The following NEK5 variants were observed in gnomAD, a reference collection of about 807,000 sequenced individuals.
NEK5 encodes the protein NIMA related kinase 5.
Under a neutral mutation model 109.2 loss-of-function variants are expected in NEK5, and 88 were observed. That is an observed-to-expected ratio of 0.81 (90% CI 0.68 to 0.96). The LOEUF (loss-of-function observed/expected upper bound fraction) is 0.96. Among genes scored for constraint, NEK5 ranks in the 40% least tolerant of loss-of-function variants. The pLI is 0.00. For missense variants in NEK5, 834 were observed against 920.7 expected (o/e 0.91, Z 1.22); for synonymous variants, 283 against 299.9 (o/e 0.94, Z 0.58).
chr13:52,044,231 C>T (rs1218611230), intron 23 of NEK5, among the ~76,000 whole-genome samples: 1 of 152,124 alleles, frequency 6.6e-6, no homozygotes, highest in African/African-American at 2.4e-5. Context: ...CTGCAGATGG[C>T]CTATTGTGGG....
intron 23 of NEK5, among the ~76,000 whole-genome samples, chr13:52,037,735 A>C (rs1261121772): frequency 6.6e-6 from 1 of 152,182 alleles, no homozygotes; most frequent in African/African-American, 2.4e-5. Flanking sequence ...CATCCTGGCT[A>C]ACACGGTGAA....
chr13:52,045,284 C>G (rs933509381), intron 23 of NEK5, among the ~76,000 whole-genome samples: 1 of 150,782 alleles, frequency 6.6e-6, no homozygotes, highest in East Asian at 2.0e-4. Flanking sequence ...CACCTGCCCC[C>G]ACGCCCGGCT....
intron 22 of NEK5, among the ~76,000 whole-genome samples, chr13:52,057,269 A>C (rs2137719946): frequency 6.6e-6 from 1 of 152,210 alleles, no homozygotes; most frequent in Non-Finnish European, 1.5e-5. Context: ...ATCTCTGAAT[A>C]GACCAATAAC....
chr13:52,090,082 G>A (rs983071149), intron 13 of NEK5, among the ~76,000 whole-genome samples: 1 of 152,088 alleles, frequency 6.6e-6, no homozygotes, highest in Non-Finnish European at 1.5e-5. Flanking sequence ...CTTTATCTCC[G>A]CACATAAATG....
intron 16 of NEK5, among the ~76,000 whole-genome samples, chr13:52,085,765 T>C (rs551650878): frequency 6.6e-6 from 1 of 152,356 alleles, no homozygotes; most frequent in Admixed American, 6.5e-5. Flanking sequence ...TCTTGGGAGA[T>C]GGAAGGATGA....
chr13:52,046,135 A>G (rs571770511), intron 23 of NEK5, among the ~76,000 whole-genome samples: 4 of 151,618 alleles, frequency 2.6e-5, no homozygotes, highest in Non-Finnish European at 5.9e-5. Context: ...TTAAAGATGA[A>G]TAAAATATTT....
At position 52,070,355 on chromosome 13, in the gene NEK5, T is replaced by C. The variant is rs1345860800; in HGVS notation, c.1849+1589A>G. ...AAAAAAAATCTGAGCAGAGTAATAA[T>C]ATGCCAAGATAACTTTAGTAACTGA... is the stretch of plus-strand genomic sequence containing the variant. On this transcript the variant is annotated intron_variant, in intron 20 of 23. Coordinates refer to ENST00000684899, the MANE Select transcript of NEK5 (RefSeq NM_001365552.1). Among the ~76,000 whole-genome samples the C allele has an allele frequency of 2.0e-5, 3 of 152,216 alleles. No homozygotes were observed. In the East Asian group the frequency reaches 5.8e-4, roughly 29 times the overall value.
chr13:52,089,158 T>A, intron 14 of NEK5, 89 bp downstream of exon 14: 2 of 816,258 alleles, frequency 2.5e-6, no homozygotes, highest in Non-Finnish European at 4.2e-6. Flanking sequence ...CTTGACCTTC[T>A]GGTGGAATGA....
chr13:52,084,734 T>TGAGAGA (rs1170629594), intron 16 of NEK5, among the ~76,000 whole-genome samples: 103 of 110,036 alleles, frequency 9.4e-4, no homozygotes, highest in African/African-American at 2.5e-3. Flanking sequence ...AGAGAGAGAG[T>TGAGAGA]GAGAGAGAGA....
intron 14 of NEK5, among the ~76,000 whole-genome samples, chr13:52,088,857 T>C (rs1329673311): frequency 6.6e-6 from 1 of 151,238 alleles, no homozygotes; most frequent in Non-Finnish European, 1.5e-5. Flanking sequence ...TTGGGAGGCC[T>C]AGGTGGGTGG....
intron 23 of NEK5, among the ~76,000 whole-genome samples, chr13:52,048,611 T>C (rs1795694639): frequency 6.6e-6 from 1 of 152,228 alleles, no homozygotes; most frequent in South Asian, 2.1e-4. Context: ...GAAAATGTGG[T>C]GTATATATAC....
At chr13:52,092,759 G>A (rs544269657) in intron 13 of NEK5, among the ~76,000 whole-genome samples, 5 of 152,254 alleles carry the variant, frequency 3.3e-5, no homozygotes, top group South Asian at 2.1e-4. Flanking sequence ...GGTGGTGCAC[G>A]CCTGTAGTCC....
At chr13:52,082,253 T>G (rs1239837775) in intron 17 of NEK5, 1 of 433,488 alleles carries the variant, frequency 2.3e-6, no homozygotes, top group African/African-American at 2.2e-5. Context: ...AGGCGGAGGT[T>G]GCGGTGAGCC....
At chr13:52,116,748 C>T (rs1268173012) in intron 4 of NEK5, among the ~76,000 whole-genome samples, 1 of 152,062 alleles carries the variant, frequency 6.6e-6, no homozygotes, top group African/African-American at 2.4e-5. Context: ...GAATTTTTGC[C>T]TATTTTGTTT....
chr13:52,065,125 T>C lies in NEK5; in HGVS notation c.1975+359A>G, dbSNP rs192317587. On this transcript the variant is annotated intron_variant, in intron 21 of 23. Coordinates refer to ENST00000684899, the MANE Select transcript of NEK5 (RefSeq NM_001365552.1). ...ACACCCAAGAATGATCAATAAAAAATAAAAATTAAAAAAAAAAAAATGACC... is the reference window on the plus strand; with the variant it reads ...ACACCCAAGAATGATCAATAAAAAACAAAAATTAAAAAAAAAAAAATGACC... 1,827 of 316,442 alleles carry C rather than the reference T, an allele frequency of 5.8e-3. 16 individuals carry two copies. Among genetic ancestry groups the C allele is most frequent in the Middle Eastern group, 0.012 (12 of 1,002 alleles). 19.6% of individuals were successfully genotyped at this position (316,442 alleles called of 1,614,324 possible).
chr13:52,043,469 A>C (rs1954430892), intron 23 of NEK5, among the ~76,000 whole-genome samples: 1 of 148,808 alleles, frequency 6.7e-6, no homozygotes, highest in African/African-American at 2.5e-5. Context: ...CCCCGGAGGC[A>C]GAGGTTGCAG....
chr13:52,120,681 C>T (rs9535872), intron 3 of NEK5, among the ~76,000 whole-genome samples: 63,307 of 151,608 alleles, frequency 0.42, 15,096 homozygotes, highest in Non-Finnish European at 0.54. Flanking sequence ...GAAGCCAAGG[C>T]AGGCAGATCA....
intron 9 of NEK5, among the ~76,000 whole-genome samples, chr13:52,103,265 C>T (rs990291469): frequency 6.6e-6 from 1 of 152,258 alleles, no homozygotes; most frequent in African/African-American, 2.4e-5. Flanking sequence ...CCTGACTCTA[C>T]TAAAAATACA....
At chr13:52,055,000 C>T (rs1172187763) in intron 22 of NEK5, among the ~76,000 whole-genome samples, 10 of 149,274 alleles carry the variant, frequency 6.7e-5, no homozygotes, top group Admixed American at 2.0e-4. Context: ...CAAATTACTC[C>T]GAGCTATGGG....
Sources: gnomAD v4.1 joint callset for allele counts (sites outside exome capture counted in the v4.1 genomes callset) on GRCh38, gnomAD v4.1.1 for gene constraint, MANE v1.5 for transcripts, NCBI Gene and HGNC (gene_info 2026-07-23, HGNC 2026-07-21) for gene names.